Variants in CNTN5 observed in about 807,000 individuals in gnomAD.
CNTN5 encodes the protein contactin 5.
Under a neutral mutation model 129.1 loss-of-function variants are expected in CNTN5, and 77 were observed. The ratio of observed to expected loss-of-function variants is 0.60; its 90% confidence interval spans 0.50 to 0.72. CNTN5 has a LOEUF of 0.72. Ranked by LOEUF, CNTN5 falls within the 30% of genes least tolerant of loss-of-function variation. CNTN5 has a pLI of 0.00. For synonymous variants in CNTN5, 509 were observed against 465.6 expected, an observed-to-expected ratio of 1.09 and a Z score of -1.20; for missense variants, 1,478 against 1,328.8, an observed-to-expected ratio of 1.11 and a Z score of -1.75.
chr11:99,818,636 C>T (rs967099428), intron 3 of CNTN5, among the ~76,000 whole-genome samples: 1 of 152,124 alleles, frequency 6.6e-6, no homozygotes, highest in Non-Finnish European at 1.5e-5. Flanking sequence ...TAAAAAATTT[C>T]CAATTCCTTA....
chr11:99,801,451 G>A (rs1946111285), intron 3 of CNTN5, among the ~76,000 whole-genome samples: 1 of 152,012 alleles, frequency 6.6e-6, no homozygotes, highest in Non-Finnish European at 1.5e-5. Context: ...TTGTTCTCTG[G>A]ATTTCTTGTA....
chr11:99,363,047 G>A (rs1368681471), intron 2 of CNTN5, among the ~76,000 whole-genome samples: 2 of 151,310 alleles, frequency 1.3e-5, no homozygotes, highest in Non-Finnish European at 2.9e-5. Context: ...TCCAGTTTGT[G>A]GGAAAAAAAA....
At position 100,290,151 on chromosome 11, in the gene CNTN5, G is replaced by T. The variant is rs554588240; in HGVS notation, c.2315-7474G>T. 6.6e-5 allele frequency among the ~76,000 whole-genome samples: 10 copies of T among 151,842 alleles called. No homozygotes were observed. The East Asian group carries it at 1.4e-3, about 21-fold the overall frequency. ...AACATTCCATGCTCCTGGGTAGGAA[G>T]AATCTTTATCGTGAAAATGGCCATA... is the stretch of plus-strand genomic sequence containing the variant. On this transcript the variant is annotated intron_variant, in intron 18 of 24. Transcript: ENST00000524871.
In CNTN5 at chr11:99,990,443, AATAT is replaced by A. The variant is rs145384797; in HGVS notation, c.878-11581_878-11578del. ...ATTTATTGGCTTCCCTTATTTTTAG[AATAT>A]ATATATATACACACACACACACACA... On this transcript the variant is annotated intron_variant, in intron 8 of 24. Transcript: ENST00000524871. Among the ~76,000 whole-genome samples the A allele has an allele frequency of 6.9e-3, 997 of 144,794 alleles. 12 individuals carry two copies. Among genetic ancestry groups the A allele is most frequent in the Non-Finnish European group, 8.2e-3 (547 of 66,582 alleles). 95.0% of individuals were successfully genotyped at this position (144,794 alleles called of 152,430 possible).
chr11:99,573,656 A>G (rs1265622122), intron 3 of CNTN5, among the ~76,000 whole-genome samples: 1 of 151,858 alleles, frequency 6.6e-6, no homozygotes, highest in Admixed American at 6.6e-5. Context: ...ATTGAGACGG[A>G]GTCTCGCTCT....
In CNTN5 at chr11:99,956,866, G is replaced by C. The variant is rs563536789; in HGVS notation, c.734G>C (p.Arg245Pro). 2 of 1,613,708 alleles carry C rather than the reference G, an allele frequency of 1.2e-6. No homozygotes were observed. The highest frequency in any genetic ancestry group is 1.7e-6 in the Non-Finnish European group (2 of 1,179,828). Residue 245 changes from arginine (R) to proline (P), a missense_variant, in exon 8 of 25, where the codon CGG (arginine) becomes CCG (proline). By Grantham distance (103) the Arg-to-Pro change is moderately radical. Transcript: ENST00000524871. The stretch of plus-strand genomic sequence containing the variant: ...TCCTTTGTGGCGGAAGACAGCCGGC[G>C]GTTCATCTCCCAGGAGACAGGCAAC... Reference protein sequence around the residue: ...FPSFVAEDSRRFISQETGNLY... With the variant: ...FPSFVAEDSRPFISQETGNLY...
intron 3 of CNTN5, among the ~76,000 whole-genome samples, chr11:99,586,984 C>G (rs1226348979): frequency 2.0e-5 from 3 of 152,150 alleles, no homozygotes; most frequent in Non-Finnish European, 4.4e-5. Flanking sequence ...TATCATTAAT[C>G]AACTTTTTTC....
At chr11:99,138,482 A>C (rs1859347101) in intron 1 of CNTN5, among the ~76,000 whole-genome samples, 1 of 152,168 alleles carries the variant, frequency 6.6e-6, no homozygotes, top group African/African-American at 2.4e-5. Flanking sequence ...ACTCCCTTAT[A>C]GTTCTTAAAC....
At chr11:99,292,022 C>T (rs1345871279) in intron 1 of CNTN5, among the ~76,000 whole-genome samples, 1 of 151,980 alleles carries the variant, frequency 6.6e-6, no homozygotes, top group African/African-American at 2.4e-5. Context: ...CTTCCACTTT[C>T]GGTCCATTTG....
intron 1 of CNTN5, among the ~76,000 whole-genome samples, chr11:99,069,206 T>C (rs1865231374): frequency 1.3e-5 from 2 of 152,134 alleles, no homozygotes; most frequent in East Asian, 1.9e-4. Context: ...AGATTATAAA[T>C]ACAACCCTCC....
intron 13 of CNTN5, among the ~76,000 whole-genome samples, chr11:100,108,754 T>G (rs1472437867): frequency 6.6e-6 from 1 of 152,062 alleles, no homozygotes; most frequent in Non-Finnish European, 1.5e-5. Flanking sequence ...ATATGTAAAC[T>G]GACAGAGATC....
chr11:99,818,464 T>A (rs913123946), intron 3 of CNTN5, among the ~76,000 whole-genome samples: 15 of 151,886 alleles, frequency 9.9e-5, no homozygotes, highest in Non-Finnish European at 2.1e-4. Context: ...ACTTTATTGC[T>A]TTTGCTGGTT....
intron 3 of CNTN5, among the ~76,000 whole-genome samples, chr11:99,622,778 C>T (rs2135770055): frequency 6.6e-6 from 1 of 151,854 alleles, no homozygotes; most frequent in East Asian, 1.9e-4. Context: ...ATGACTTTTG[C>T]TAACTTGTTA....
In CNTN5 at chr11:99,207,632, C is replaced by G. The variant is rs140016558; in HGVS notation, c.-209-117714C>G. Among the ~76,000 whole-genome samples the G allele has an allele frequency of 3.1e-3, 472 of 152,182 alleles. 2 individuals are homozygous for G. The highest frequency in any genetic ancestry group is 0.011 in the African/African-American group (466 of 41,520). On this transcript the variant is annotated intron_variant, in intron 1 of 24. Coordinates refer to ENST00000524871, the MANE Select transcript of CNTN5 (RefSeq NM_014361.4). ...ATTTTGCCAATAATACATTGCTATA[C>G]TTTGATAACGAATACTCTGAAGTGT...
intron 8 of CNTN5, among the ~76,000 whole-genome samples, chr11:99,974,407 C>T (rs939625141): frequency 1.3e-5 from 2 of 152,188 alleles, no homozygotes; most frequent in African/African-American, 2.4e-5. Context: ...ATCATCCTGC[C>T]TCCCTTAGGA....
At chr11:99,770,359 G>A (rs1395797903) in intron 3 of CNTN5, among the ~76,000 whole-genome samples, 1 of 151,898 alleles carries the variant, frequency 6.6e-6, no homozygotes, top group Non-Finnish European at 1.5e-5. Context: ...CCTCATAAGA[G>A]ATCATTTTCA....
chr11:99,442,055 G>A (rs1252944509), intron 2 of CNTN5, among the ~76,000 whole-genome samples: 5 of 152,192 alleles, frequency 3.3e-5, no homozygotes, highest in African/African-American at 1.2e-4. Context: ...AAGCAGAATT[G>A]CTCTGCTACC....
chr11:99,965,769 C>G (rs1951077707), intron 8 of CNTN5, among the ~76,000 whole-genome samples: 2 of 152,088 alleles, frequency 1.3e-5, no homozygotes, highest in Admixed American at 1.3e-4. Context: ...GTGTTAAAGT[C>G]TCCCACTATT....
chr11:100,120,094 T>TA (rs961843151), intron 13 of CNTN5, among the ~76,000 whole-genome samples: 37 of 53,372 alleles, frequency 6.9e-4, no homozygotes, highest in African/African-American at 5.6e-3. Flanking sequence ...GTATAATATC[T>TA]CCTTTATGCC....
Sources: allele counts gnomAD v4.1 joint callset (sites outside exome capture counted in the v4.1 genomes callset), GRCh38; gene constraint gnomAD v4.1.1; transcripts MANE v1.5; gene names NCBI Gene and HGNC (gene_info 2026-07-23, HGNC 2026-07-21).